Variants in MACROD1 observed in about 807,000 individuals in gnomAD.
The protein encoded by MACROD1 is mono-ADP ribosylhydrolase 1, also known as ADP-ribose glycohydrolase MACROD1.
MACROD1 carries 31 observed loss-of-function variants against 41.4 expected under a neutral mutation model. That is an observed-to-expected ratio of 0.75 (90% confidence interval 0.56 to 1.01). The LOEUF (loss-of-function observed/expected upper bound fraction) is 1.01. MACROD1 is among the 50% of genes least tolerant of loss of function. MACROD1 has a pLI of 0.00. For missense variants in MACROD1, 473 were observed against 460.0 expected, an observed-to-expected ratio of 1.03 and a Z score of -0.26; for synonymous variants, 252 against 203.4, an observed-to-expected ratio of 1.24 and a Z score of -2.03.
chr11:64,161,490 A>G (rs1207596353), intron 1 of MACROD1, among the ~76,000 whole-genome samples: 1 of 152,248 alleles, frequency 6.6e-6, no homozygotes, highest in Non-Finnish European at 1.5e-5. Flanking sequence ...CACTTGCAGC[A>G]CTTGACTGTC....
intron 1 of MACROD1, among the ~76,000 whole-genome samples, chr11:64,154,055 C>A (rs1402617590): frequency 1.3e-5 from 2 of 152,162 alleles, no homozygotes; most frequent in African/African-American, 4.8e-5. Context: ...ACACCCCATG[C>A]AGCGGCCCCT....
At chr11:64,021,968 GCAGTGGATCTGGA>G (rs1565197715) in intron 3 of MACROD1, among the ~76,000 whole-genome samples, 8 of 81,358 alleles carry the variant, frequency 9.8e-5, no homozygotes, top group Admixed American at 2.8e-4. Flanking sequence ...GTGGCGGCGG[GCAGTGGATCTGGA>G]GGGGTGGGTG....
In MACROD1 at chr11:64,034,747, G is replaced by A. The variant is rs554176860; in HGVS notation, c.518-19466C>T. On this transcript the variant is annotated intron_variant, in intron 3 of 10. Transcript: ENST00000255681. Reference sequence around the variant, plus strand: ...GACAGCAAAGAGCAGGGCCGGCAGAGGGGGTCCCAGCCAGACTGTGGGCGG... The same window carrying A: ...GACAGCAAAGAGCAGGGCCGGCAGAAGGGGTCCCAGCCAGACTGTGGGCGG... 6.5e-4 allele frequency among the ~76,000 whole-genome samples: 99 copies of A among 152,352 alleles called. 2 individuals carry two copies. Among genetic ancestry groups the A allele is most frequent in the Admixed American group, 2.1e-3 (32 of 15,310 alleles).
chr11:64,107,342 C>T, intron 3 of MACROD1, among the ~76,000 whole-genome samples: 1 of 151,920 alleles, frequency 6.6e-6, no homozygotes, highest in East Asian at 1.9e-4. Context: ...CTTTCATCCC[C>T]CCACCCCCTC....
chr11:64,074,464 G>T (rs1944165873), intron 3 of MACROD1, among the ~76,000 whole-genome samples: 2 of 152,224 alleles, frequency 1.3e-5, no homozygotes, highest in African/African-American at 4.8e-5. Flanking sequence ...CCGTGGGAGG[G>T]AGGACCTGTC....
intron 3 of MACROD1, among the ~76,000 whole-genome samples, chr11:64,056,651 A>C (rs910780127): frequency 2.3e-4 from 35 of 152,198 alleles, no homozygotes; most frequent in Admixed American, 2.0e-3. Context: ...CATGGCCGAC[A>C]GGTCACAGGG....
chr11:64,057,511 C>T (rs1315395162), intron 3 of MACROD1, among the ~76,000 whole-genome samples: 1 of 152,210 alleles, frequency 6.6e-6, no homozygotes, highest in East Asian at 1.9e-4. Flanking sequence ...TGGAGGCAAG[C>T]CCAGCTCTCC....
intron 3 of MACROD1, among the ~76,000 whole-genome samples, chr11:64,035,496 T>G (rs1590818966): frequency 6.6e-6 from 1 of 151,714 alleles, no homozygotes. Flanking sequence ...AACCCCTTTC[T>G]CCCCCGCCTC....
chr11:64,028,514 G>C (rs375834781), intron 3 of MACROD1, among the ~76,000 whole-genome samples: 1 of 152,244 alleles, frequency 6.6e-6, no homozygotes, highest in African/African-American at 2.4e-5. Context: ...GAGGAGGTCA[G>C]TGTGGCAGCC....
chr11:64,017,375 G>A lies in MACROD1; in HGVS notation c.518-2094C>T, dbSNP rs1434309936. 2.6e-5 allele frequency among the ~76,000 whole-genome samples: 4 copies of A among 152,232 alleles called. No homozygotes were observed. The East Asian group carries it at 7.7e-4, about 29-fold the overall frequency. Reference sequence around the variant, plus strand: ...CATAACAAAGCCACAAGGGAGGTGCGATGGTTCCCATTTTACAGAGAAGGA... The same window carrying A: ...CATAACAAAGCCACAAGGGAGGTGCAATGGTTCCCATTTTACAGAGAAGGA... On this transcript the variant is annotated intron_variant, in intron 3 of 10. Transcript: ENST00000255681.
intron 3 of MACROD1, among the ~76,000 whole-genome samples, chr11:64,144,083 GC>G (rs1329416994): frequency 2.0e-5 from 3 of 148,644 alleles, no homozygotes; most frequent in African/African-American, 5.0e-5. Flanking sequence ...ATCTGACCAA[GC>G]CCCCCCAACT....
chr11:64,152,117 G>A (rs1452966181), intron 2 of MACROD1, among the ~76,000 whole-genome samples, 175 bp downstream of exon 2: 2 of 152,174 alleles, frequency 1.3e-5, no homozygotes, highest in Non-Finnish European at 2.9e-5. Flanking sequence ...CAAAAAGAGT[G>A]AAATTCCATC....
intron 3 of MACROD1, among the ~76,000 whole-genome samples, chr11:64,038,617 T>G (rs1362540371): frequency 6.6e-6 from 1 of 152,158 alleles, no homozygotes; most frequent in Non-Finnish European, 1.5e-5. Context: ...GTCATGGGGC[T>G]AGCAGCCCCC....
chr11:64,087,001 C>T (rs1944407486), intron 3 of MACROD1: 1 of 152,236 alleles, frequency 6.6e-6, no homozygotes, highest in Non-Finnish European at 1.5e-5. Context: ...CCTCCACCTA[C>T]ACAGCAGCCA....
chr11:64,074,819 G>A (rs1387225383), intron 3 of MACROD1, among the ~76,000 whole-genome samples: 4 of 152,224 alleles, frequency 2.6e-5, no homozygotes, highest in Admixed American at 1.3e-4. Context: ...TGGGGCTTGG[G>A]GTGGGGAAGC....
chr11:64,032,076 C>G (rs1256409633), intron 3 of MACROD1, among the ~76,000 whole-genome samples: 1 of 152,150 alleles, frequency 6.6e-6, no homozygotes, highest in Non-Finnish European at 1.5e-5. Context: ...CAGCACAGAG[C>G]CTGGGGCTAA....
chr11:64,164,135 C>T (rs56311067), intron 1 of MACROD1, among the ~76,000 whole-genome samples: 16,693 of 152,292 alleles, frequency 0.11, 1,154 homozygotes, highest in Non-Finnish European at 0.16. Flanking sequence ...CACCAGATTA[C>T]AAGCTCCATG....
At chr11:64,080,421 T>C (rs918917332) in intron 3 of MACROD1, among the ~76,000 whole-genome samples, 5 of 152,194 alleles carry the variant, frequency 3.3e-5, no homozygotes, top group Admixed American at 3.3e-4. Flanking sequence ...CGGGTTTTTT[T>C]GTGTGTATTT....
At chr11:64,145,887 A>C (rs1191319266) in intron 3 of MACROD1, among the ~76,000 whole-genome samples, 1 of 152,118 alleles carries the variant, frequency 6.6e-6, no homozygotes, top group Non-Finnish European at 1.5e-5. Context: ...CTTCTGCCGC[A>C]GCCTCCTGAC....
Sources: allele counts gnomAD v4.1 joint callset (sites outside exome capture counted in the v4.1 genomes callset), GRCh38; gene constraint gnomAD v4.1.1; transcripts MANE v1.5; gene names NCBI Gene and HGNC (gene_info 2026-07-23, HGNC 2026-07-21).